The following MRPL30 variants were observed in gnomAD, a reference collection of about 807,000 sequenced individuals.
MRPL30 encodes the protein large ribosomal subunit protein uL30m.
MRPL30 carries 10 observed loss-of-function variants against 17.2 expected under a neutral mutation model. The observed-to-expected ratio is 0.58, with a 90% CI of 0.36 to 0.99. The LOEUF is 0.99. MRPL30 is among the 50% of genes least tolerant of loss of function. The pLI, the probability that MRPL30 is intolerant of heterozygous loss-of-function variation, is 0.01. For synonymous variants in MRPL30, 61 were observed against 62.1 expected (o/e 0.98, Z 0.08); for missense variants, 170 against 189.8 (o/e 0.90, Z 0.61).
In MRPL30 at chr2:99,188,176, G is replaced by A; in HGVS notation, c.52-1G>A. On this transcript the variant is annotated splice_acceptor_variant, in intron 2 of 5. Coordinates refer to ENST00000338148, the MANE Select transcript of MRPL30 (RefSeq NM_145212.4). LOFTEE classifies it high-confidence loss of function. ...AACAAATGATTTATATCATATTTTA[G>A]ACTGTGACAAAAGGTGTGGAGTCTC... 6.3e-7 allele frequency: 1 copy of A among 1,583,932 alleles called. No homozygotes were observed. The highest frequency in any genetic ancestry group is 8.6e-7 in the Non-Finnish European group (1 of 1,165,392).
chr2:99,187,662 A>G (rs774549992), intron 2 of MRPL30, among the ~76,000 whole-genome samples: 22 of 152,028 alleles, frequency 1.4e-4, no homozygotes, highest in Non-Finnish European at 3.1e-4. Context: ...TATCTCTACT[A>G]AAAATACAAA....
At chr2:99,191,031 G>A (rs550228162) in intron 3 of MRPL30, among the ~76,000 whole-genome samples, 6 of 149,274 alleles carry the variant, frequency 4.0e-5, no homozygotes, top group South Asian at 2.1e-4. Flanking sequence ...TTTTGGAGAC[G>A]GAGTCTCGCT....
At chr2:99,195,535 G>C (rs200383885) in intron 5 of MRPL30, 38 bp from the exon 6 acceptor site, 2 of 1,578,608 alleles carry the variant, frequency 1.3e-6, no homozygotes, top group East Asian at 4.5e-5. Context: ...ACGCTAGAAC[G>C]TATTCCTCCT....
Position 99,188,273 on chromosome 2 carries a change from G to T in MRPL30, c.132+16G>T, listed in dbSNP as rs2093937722. On this transcript the variant is annotated intron_variant, in intron 3 of 5. Transcript: ENST00000338148. ...TCCAGAAAAAGTAAGAACAAAGTTT[G>T]ATTTTTTTAATGTTAGTGTTGTTTT... 1.3e-6 allele frequency: 2 copies of T among 1,578,334 alleles called. No individual in the cohort carries two copies. The highest frequency in any genetic ancestry group is 1.2e-5 in the South Asian group (1 of 85,786).
chr2:99,192,597 G>T (rs888807593), intron 3 of MRPL30, among the ~76,000 whole-genome samples: 1 of 152,126 alleles, frequency 6.6e-6, no homozygotes, highest in Non-Finnish European at 1.5e-5. Context: ...AGTATTCCAT[G>T]GTGTATATGT....
Position 99,195,789 on chromosome 2 carries a change from A to T in MRPL30, c.*84A>T. 6.3e-7 allele frequency: 1 copy of T among 1,593,758 alleles called. No homozygotes were observed. The highest frequency in any genetic ancestry group is 8.5e-7 in the Non-Finnish European group (1 of 1,172,466). On this transcript the variant is annotated 3_prime_UTR_variant, in exon 6 of 6. Transcript: ENST00000338148. ...AGTGTTTTCATTAAAATATGTTTTC[A>T]AAACCATTTTCAGGCCGGGCACGGT... is the stretch of plus-strand genomic sequence containing the variant.
intron 5 of MRPL30, 103 bp from the exon 6 acceptor site, chr2:99,195,470 A>G: frequency 1.5e-6 from 2 of 1,308,344 alleles, no homozygotes; most frequent in East Asian, 2.4e-5. Flanking sequence ...TCCTCCTCCT[A>G]GCTATTTGAA....
intron 2 of MRPL30, 28 bp downstream of exon 2, chr2:99,186,282 T>C (rs1385292307): frequency 1.2e-6 from 2 of 1,604,644 alleles, no homozygotes; most frequent in African/African-American, 2.7e-5. Context: ...AGAATTTGTC[T>C]TTTCTACCCC....
In MRPL30 at chr2:99,199,089, GA is replaced by G. The variant is rs1309228771; in HGVS notation, c.*3388del. On this transcript the variant is annotated 3_prime_UTR_variant, in exon 6 of 6. Transcript: ENST00000338148. ...GCTTCTTTGGGAGGTACCTTAAAAT[GA>G]AAAGCAAAGAAACTTCCATGCGGAG... Among the ~76,000 whole-genome samples the G allele has an allele frequency of 6.6e-6, 1 of 152,086 alleles. No individual in the cohort carries two copies. Among genetic ancestry groups the G allele is most frequent in the Non-Finnish European group, 1.5e-5 (1 of 68,008 alleles).
chr2:99,193,212 CAT>C (rs1297860802), intron 3 of MRPL30, among the ~76,000 whole-genome samples: 3 of 152,162 alleles, frequency 2.0e-5, no homozygotes, highest in Non-Finnish European at 4.4e-5. Flanking sequence ...GGCCAAGAAA[CAT>C]ATGAAAAAAA....
rs186515034 is a variant in MRPL30 at position 99,195,325 on chromosome 2, A to G, written c.353+136A>G. 1.2e-4 allele frequency: 105 copies of G among 868,958 alleles called. No homozygotes were observed. The African/African-American group carries it at 1.7e-3, about 14-fold the overall frequency. 53.8% of individuals were successfully genotyped at this position (868,958 alleles called of 1,614,324 possible). On this transcript the variant is annotated intron_variant, in intron 5 of 5. Coordinates refer to ENST00000338148, the MANE Select transcript of MRPL30 (RefSeq NM_145212.4). ...TTTATTTTGTTTTTTTTTAATTGAC[A>G]CATAATAATTGTACATATTTATGGG...
chr2:99,190,247 A>T (rs1471775885), intron 3 of MRPL30, among the ~76,000 whole-genome samples: 1 of 152,222 alleles, frequency 6.6e-6, no homozygotes, highest in Non-Finnish European at 1.5e-5. Context: ...GATACCTTTA[A>T]TGTGCTTGGT....
Position 99,186,169 on chromosome 2 carries a change from T to A in MRPL30, c.-27-8T>A, listed in dbSNP as rs200485770. Reference sequence around the variant, plus strand: ...TTGACTGATGGGTCTACTTCCTACTTCCCACAGCCTCTAAAGAGAGCAATC... The same window carrying A: ...TTGACTGATGGGTCTACTTCCTACTACCCACAGCCTCTAAAGAGAGCAATC... On this transcript the variant is annotated splice_polypyrimidine_tract_variant and splice_region_variant and intron_variant, in intron 1 of 5. Transcript: ENST00000338148. The A allele has an allele frequency of 1.9e-6, 3 of 1,605,372 alleles. No homozygotes were observed. Among genetic ancestry groups the A allele is most frequent in the Non-Finnish European group, 2.6e-6 (3 of 1,172,794 alleles).
At chr2:99,182,006 A>G (rs1285860051) in intron 1 of MRPL30, among the ~76,000 whole-genome samples, 5 of 149,518 alleles carry the variant, frequency 3.3e-5, no homozygotes, top group Non-Finnish European at 7.4e-5. Context: ...AGACAAAAGA[A>G]CTATCGGTCG....
intron 2 of MRPL30, chr2:99,187,058 T>A (rs1444418651): frequency 6.6e-6 from 1 of 152,230 alleles, no homozygotes; most frequent in Non-Finnish European, 1.5e-5. Context: ...CTCAGATTAA[T>A]CCTGTGAGGT....
intron 3 of MRPL30, among the ~76,000 whole-genome samples, chr2:99,189,060 G>T (rs1266634342): frequency 6.6e-6 from 1 of 152,106 alleles, no homozygotes; most frequent in African/African-American, 2.4e-5. Flanking sequence ...AACATTGATT[G>T]GGAAGTATGG....
chr2:99,185,155 A>G (rs1434602186), intron 1 of MRPL30, among the ~76,000 whole-genome samples: 1 of 152,142 alleles, frequency 6.6e-6, no homozygotes, highest in African/African-American at 2.4e-5. Flanking sequence ...TGCTCCTTAT[A>G]AGAATCTAAT....
rs751611597 is a variant in MRPL30 at position 99,186,302 on chromosome 2, T to C, written c.51+48T>C. 3 of 1,547,328 alleles carry C rather than the reference T, an allele frequency of 1.9e-6. No individual in the cohort carries two copies. The African/African-American group carries it at 4.1e-5, about 21-fold the overall frequency. ...TTGTCTTTTCTACCCCTTATGAATTTTTTTTTTAATCATTACAAGGCAAGC... is the reference window on the plus strand; with the variant it reads ...TTGTCTTTTCTACCCCTTATGAATTCTTTTTTTAATCATTACAAGGCAAGC... On this transcript the variant is annotated intron_variant, in intron 2 of 5. Coordinates refer to ENST00000338148, the MANE Select transcript of MRPL30 (RefSeq NM_145212.4).
At chr2:99,195,220 A>G (rs2093953167) in intron 5 of MRPL30, 31 bp downstream of exon 5, 1 of 1,562,200 alleles carries the variant, frequency 6.4e-7, no homozygotes, top group South Asian at 1.1e-5. Context: ...TCTTTTTAAA[A>G]TGTATTGCCT....
Sources: allele counts gnomAD v4.1 joint callset (sites outside exome capture counted in the v4.1 genomes callset), GRCh38; gene constraint gnomAD v4.1.1; transcripts MANE v1.5; gene names NCBI Gene and HGNC (gene_info 2026-07-23, HGNC 2026-07-21).